SCAI: variants seen among roughly 807,000 people sequenced by gnomAD.
SCAI encodes protein SCAI.
In SCAI, 24 loss-of-function variants were observed where a neutral mutation model predicts 92.2. The ratio of observed to expected loss-of-function variants is 0.26; its 90% CI spans 0.19 to 0.37. SCAI has a LOEUF of 0.37. Ranked by LOEUF, SCAI falls within the 10% of genes least tolerant of loss-of-function variation. The pLI is 1.00. For missense variants in SCAI, 450 were observed against 736.2 expected (o/e 0.61, Z 4.50); for synonymous variants, 261 against 258.6 (o/e 1.01, Z -0.09).
intron 3 of SCAI, 113 bp downstream of exon 3, chr9:125,055,763 C>T (rs1833649620): frequency 1.3e-6 from 1 of 781,046 alleles, no homozygotes; most frequent in Admixed American, 2.8e-5. Context: ...CACTCTAATA[C>T]AGAAATTTAT....
chr9:124,964,041 T>G (rs766591769), intron 17 of SCAI, among the ~76,000 whole-genome samples: 6 of 152,050 alleles, frequency 3.9e-5, no homozygotes, highest in Non-Finnish European at 8.8e-5. Flanking sequence ...CTTTTTCATT[T>G]CTCTAAAATG....
chr9:125,108,101 C>T (rs1293571551), intron 2 of SCAI, among the ~76,000 whole-genome samples: 9 of 152,262 alleles, frequency 5.9e-5, no homozygotes, highest in East Asian at 1.9e-4. Context: ...CCCGAGGTGC[C>T]GGGATTGCAG....
chr9:125,134,858 T>G (rs1475794406), intron 2 of SCAI, among the ~76,000 whole-genome samples: 2 of 152,072 alleles, frequency 1.3e-5, no homozygotes, highest in Admixed American at 1.3e-4. Flanking sequence ...GTATTTTTAG[T>G]AGAGACGGGG....
At chr9:125,001,498 G>A (rs1369228975) in intron 12 of SCAI, among the ~76,000 whole-genome samples, 1 of 152,080 alleles carries the variant, frequency 6.6e-6, no homozygotes, top group African/African-American at 2.4e-5. Context: ...TCATGACAAG[G>A]GCTTGAACTT....
At chr9:125,100,011 T>C (rs1479605176) in intron 2 of SCAI, among the ~76,000 whole-genome samples, 1 of 152,262 alleles carries the variant, frequency 6.6e-6, no homozygotes, top group Non-Finnish European at 1.5e-5. Context: ...GGTGTACCAA[T>C]CTGTTCAAGT....
chr9:125,073,058 A>C (rs953750705), intron 2 of SCAI, among the ~76,000 whole-genome samples: 1 of 147,074 alleles, frequency 6.8e-6, no homozygotes, highest in Non-Finnish European at 1.5e-5. Context: ...ACCTAGAAGT[A>C]GAATTGCTGG....
chr9:125,097,448 A>G (rs1248158172), intron 2 of SCAI, among the ~76,000 whole-genome samples: 1 of 152,118 alleles, frequency 6.6e-6, no homozygotes, highest in East Asian at 1.9e-4. Context: ...AAAAGTAATA[A>G]TTTAGAAAAA....
At chr9:125,050,806 G>A (rs992183569) in intron 3 of SCAI, among the ~76,000 whole-genome samples, 66 of 152,232 alleles carry the variant, frequency 4.3e-4, no homozygotes, top group African/African-American at 1.6e-3. Flanking sequence ...TTGGCTTCAA[G>A]TGATTCTCCT....
intron 2 of SCAI, among the ~76,000 whole-genome samples, chr9:125,076,177 C>T (rs1273445023): frequency 2.0e-5 from 3 of 152,050 alleles, no homozygotes; most frequent in African/African-American, 7.2e-5. Context: ...CTGTACTAAG[C>T]AGAACAACAA....
chr9:125,093,675 C>G (rs1213161561), intron 2 of SCAI, among the ~76,000 whole-genome samples: 2 of 151,544 alleles, frequency 1.3e-5, no homozygotes, highest in Non-Finnish European at 2.9e-5. Flanking sequence ...AAGCAATTCT[C>G]CTGCCTCAGC....
chr9:125,010,051 G>A lies in SCAI; in HGVS notation c.862-6481C>T, dbSNP rs978466709. ...CTACTAAAAATACAAAAAATTGGAG[G>A]AGCCAAGATGGCCGAATAGGAACAG... is the stretch of plus-strand genomic sequence containing the variant. On this transcript the variant is annotated intron_variant, in intron 9 of 17. Transcript: ENST00000336505. Among the ~76,000 whole-genome samples the A allele has an allele frequency of 5.9e-5, 9 of 152,174 alleles. 1 individual carries two copies. In the South Asian group the frequency reaches 1.9e-3, roughly 32 times the overall value.
chr9:125,105,869 C>CA (rs1162973400), intron 2 of SCAI, among the ~76,000 whole-genome samples: 2 of 151,338 alleles, frequency 1.3e-5, no homozygotes, highest in Non-Finnish European at 2.9e-5. Flanking sequence ...GAGGCCGAGG[C>CA]AGGCAGATCA....
At chr9:125,017,540 TGATA>T (rs1211444252) in intron 9 of SCAI, among the ~76,000 whole-genome samples, 4 of 152,152 alleles carry the variant, frequency 2.6e-5, no homozygotes, top group Non-Finnish European at 5.9e-5. Flanking sequence ...CAAAAGTGAT[TGATA>T]GATGCTAGGA....
chr9:124,989,454 G>A (rs980394004), intron 14 of SCAI, among the ~76,000 whole-genome samples: 45 of 151,918 alleles, frequency 3.0e-4, no homozygotes, highest in Admixed American at 2.6e-3. Context: ...GGTGGTGTGC[G>A]CCTGTAATCC....
intron 17 of SCAI, among the ~76,000 whole-genome samples, chr9:124,965,278 G>T (rs1831516973): frequency 6.6e-6 from 1 of 152,070 alleles, no homozygotes; most frequent in Non-Finnish European, 1.5e-5. Flanking sequence ...CTGTCGCCCA[G>T]GCTGGAGTCC....
intron 9 of SCAI, among the ~76,000 whole-genome samples, chr9:125,011,770 G>A (rs1346624763): frequency 6.6e-6 from 1 of 152,164 alleles, no homozygotes; most frequent in Non-Finnish European, 1.5e-5. Context: ...AAATGTTAAG[G>A]GCAGCCAGAT....
chr9:125,031,722 C>A (rs1833078088), intron 3 of SCAI, among the ~76,000 whole-genome samples: 1 of 152,076 alleles, frequency 6.6e-6, no homozygotes, highest in Admixed American at 6.6e-5. Flanking sequence ...CCATAAAGGT[C>A]CTATATTTCC....
intron 2 of SCAI, among the ~76,000 whole-genome samples, chr9:125,106,187 T>C (rs1834796488): frequency 7.8e-6 from 1 of 127,994 alleles, no homozygotes; most frequent in African/African-American, 2.8e-5. Context: ...TAAGATCTTA[T>C]AAAGTTTCTT....
At chr9:125,077,947 G>C (rs1834127220) in intron 2 of SCAI, among the ~76,000 whole-genome samples, 2 of 150,816 alleles carry the variant, frequency 1.3e-5, no homozygotes, top group South Asian at 4.2e-4. Context: ...TCGAACTCCT[G>C]ACCTCAAGTG....
Sources: allele counts gnomAD v4.1 joint callset (sites outside exome capture counted in the v4.1 genomes callset), GRCh38; gene constraint gnomAD v4.1.1; transcripts MANE v1.5; gene names NCBI Gene and HGNC (gene_info 2026-07-23, HGNC 2026-07-21).